The following NEDD4L variants were observed in gnomAD, a reference collection of about 807,000 sequenced individuals.
NEDD4L encodes the protein E3 ubiquitin-protein ligase NEDD4-like.
In NEDD4L, 54 loss-of-function variants were observed where a neutral mutation model predicts 148.9. The observed-to-expected ratio is 0.36, with a 90% CI of 0.29 to 0.45. The LOEUF (loss-of-function observed/expected upper bound fraction) is 0.45, where lower values mean the gene tolerates loss of function less well. Among genes scored for constraint, NEDD4L ranks in the 20% least tolerant of loss-of-function variants. The probability of loss-of-function intolerance (pLI) is 1.00; values close to 1 mark genes in which losing one functional copy is unlikely to be tolerated. For synonymous variants in NEDD4L, 433 were observed against 440.7 expected, an observed-to-expected ratio of 0.98 and a Z score of 0.22; for missense variants, 856 against 1,233.8, an observed-to-expected ratio of 0.69 and a Z score of 4.59.
intron 18 of NEDD4L, among the ~76,000 whole-genome samples, chr18:58,355,220 A>G (rs1019304781): frequency 1.3e-5 from 2 of 152,216 alleles, no homozygotes; most frequent in African/African-American, 4.8e-5. Flanking sequence ...GTTCAGGGAA[A>G]AAAAATGAGC....
rs1457994817 is a variant in NEDD4L, at chr18:58,256,843, A to G, written c.297+4789A>G. 1.7e-6 allele frequency: 2 copies of G among 1,196,082 alleles called. No individual in the cohort carries two copies. The highest frequency in any genetic ancestry group is 3.2e-5 in the East Asian group (1 of 31,554). The allele number at this position is 1,196,082 out of a possible 1,614,324, so 74.1% of individuals were successfully genotyped here. ...CGATGCTTACTCTGCGGCGTAACCAAAATAAAACCTCACCCTCTGTTCCGG... is the reference window on the plus strand; with the variant it reads ...CGATGCTTACTCTGCGGCGTAACCAGAATAAAACCTCACCCTCTGTTCCGG... On this transcript the variant is annotated intron_variant, in intron 5 of 30. Transcript: ENST00000400345. This position sits in a 1 kb window ranked among gnomAD's most constrained non-coding sequence, Gnocchi z 5.2.
intron 5 of NEDD4L, among the ~76,000 whole-genome samples, chr18:58,269,014 T>G (rs2050646382): frequency 1.3e-5 from 2 of 152,054 alleles, no homozygotes; most frequent in South Asian, 4.1e-4. Context: ...TGATCCTCCC[T>G]GGCAGAAACC....
At chr18:58,231,916 G>C (rs2045289274) in intron 2 of NEDD4L, among the ~76,000 whole-genome samples, 1 of 152,180 alleles carries the variant, frequency 6.6e-6, no homozygotes, top group Non-Finnish European at 1.5e-5. Context: ...AAAGTCGGAA[G>C]CATAGGGCAA....
chr18:58,380,281 C>A (rs2048160014), intron 24 of NEDD4L, among the ~76,000 whole-genome samples: 1 of 145,702 alleles, frequency 6.9e-6, no homozygotes. Flanking sequence ...ACTCTGCATA[C>A]TGTTTTCTTT....
At chr18:58,279,088 G>A (rs1015092532) in intron 5 of NEDD4L, among the ~76,000 whole-genome samples, 6 of 151,942 alleles carry the variant, frequency 3.9e-5, no homozygotes, top group Admixed American at 3.9e-4. Context: ...TGTTGGCCAG[G>A]CTGGTCTCAA....
intron 5 of NEDD4L, among the ~76,000 whole-genome samples, 180 bp from the exon 6 acceptor site, chr18:58,315,802 G>C (rs962829868): frequency 3.9e-5 from 6 of 152,190 alleles, no homozygotes; most frequent in Non-Finnish European, 8.8e-5. Context: ...GCTCAGTCCA[G>C]GCGCACGGGC....
chr18:58,157,131 T>A (rs1813947039), intron 1 of NEDD4L, among the ~76,000 whole-genome samples: 1 of 148,154 alleles, frequency 6.7e-6, no homozygotes, highest in African/African-American at 2.5e-5. Context: ...AAAGCTGCAG[T>A]GAGCCTTAAT....
At chr18:58,217,210 C>T (rs2043236006) in intron 2 of NEDD4L, among the ~76,000 whole-genome samples, 1 of 152,184 alleles carries the variant, frequency 6.6e-6, no homozygotes, top group East Asian at 1.9e-4. Flanking sequence ...GATTTAAGAC[C>T]ATGTGAGGAA....
chr18:58,349,989 A>G (rs2043666423), intron 17 of NEDD4L, among the ~76,000 whole-genome samples: 1 of 152,248 alleles, frequency 6.6e-6, no homozygotes, highest in Admixed American at 6.5e-5. Context: ...TGAAAATAGT[A>G]TGGGAGAAGA....
intron 2 of NEDD4L, among the ~76,000 whole-genome samples, chr18:58,174,784 T>A (rs927005395): frequency 6.6e-6 from 1 of 151,892 alleles, no homozygotes; most frequent in Non-Finnish European, 1.5e-5. Flanking sequence ...AAAATTAACA[T>A]TTTTTTTCCC....
At chr18:58,057,235 T>C (rs1021475700) in intron 1 of NEDD4L, among the ~76,000 whole-genome samples, 4 of 134,322 alleles carry the variant, frequency 3.0e-5, no homozygotes, top group African/African-American at 1.1e-4. Context: ...CTGGGTAATA[T>C]TACACCTGAA....
intron 1 of NEDD4L, among the ~76,000 whole-genome samples, chr18:58,155,084 A>G (rs923301667): frequency 1.3e-5 from 2 of 152,228 alleles, no homozygotes; most frequent in South Asian, 2.1e-4. Context: ...GTCCATGGAC[A>G]CAATCTAGCA....
intron 2 of NEDD4L, among the ~76,000 whole-genome samples, chr18:58,217,531 A>G (rs1314854723): frequency 6.6e-6 from 1 of 152,162 alleles, no homozygotes; most frequent in African/African-American, 2.4e-5. Context: ...GTGTGGTGCC[A>G]TGGTGTGATT....
chr18:58,291,886 C>T (rs2054812155), intron 5 of NEDD4L, among the ~76,000 whole-genome samples: 1 of 152,164 alleles, frequency 6.6e-6, no homozygotes, highest in Admixed American at 6.6e-5. Context: ...CTTCCAGCCA[C>T]CCCCTTCCCA....
At chr18:58,171,907 C>T (rs1270727313) in intron 2 of NEDD4L, among the ~76,000 whole-genome samples, 4 of 152,134 alleles carry the variant, frequency 2.6e-5, no homozygotes. Context: ...CTGGGGGAGT[C>T]AATGAGATGG....
intron 6 of NEDD4L, among the ~76,000 whole-genome samples, chr18:58,316,847 G>C (rs1269440717): frequency 6.6e-6 from 1 of 152,240 alleles, no homozygotes; most frequent in Non-Finnish European, 1.5e-5. Flanking sequence ...TAGCAGCTGA[G>C]AGAGGAAAGG....
At chr18:58,283,554 A>G (rs1333022846) in intron 5 of NEDD4L, among the ~76,000 whole-genome samples, 1 of 152,180 alleles carries the variant, frequency 6.6e-6, no homozygotes, top group African/African-American at 2.4e-5. Flanking sequence ...AGACTACAAT[A>G]CTATCCCTTA....
rs199799632 is a variant in NEDD4L, at chr18:58,112,360, C to CTTTATTTA, written c.49-53384_49-53377dup. Among the ~76,000 whole-genome samples the CTTTATTTA allele has an allele frequency of 1.2e-3, 172 of 143,640 alleles. 1 individual carries two copies. Among genetic ancestry groups the CTTTATTTA allele is most frequent in the Middle Eastern group, 0.01 (3 of 288 alleles). 94.2% of individuals were successfully genotyped at this position (143,640 alleles called of 152,430 possible). A position where few individuals can be genotyped will look rare whatever the true frequency, so the allele number is the denominator to read the frequency against. ...AACTTAGGTGGTGGTTCCTATTTGTCTTTATTTATTTATTTATTTATTTAT... is the reference window on the plus strand; with the variant it reads ...AACTTAGGTGGTGGTTCCTATTTGTCTTTATTTATTTATTTATTTATTTATTTATTTAT... On this transcript the variant is annotated intron_variant, in intron 1 of 30. Transcript: ENST00000400345.
chr18:58,335,553 A>G lies in NEDD4L; in HGVS notation c.1125+16A>G, dbSNP rs1195490600. 6.2e-7 allele frequency: 1 copy of G among 1,600,380 alleles called. No individual in the cohort carries two copies. The highest frequency in any genetic ancestry group is 2.2e-5 in the East Asian group (1 of 44,808). On this transcript the variant is annotated intron_variant, in intron 13 of 30. Coordinates refer to ENST00000400345, the MANE Select transcript of NEDD4L (RefSeq NM_001144967.3). ...GGAACCAACGGTAATGATCCACTTT[A>G]TCAGACATCAATAGCAAGAGGCCGT...
Sources: gnomAD v4.1 joint callset for allele counts (sites outside exome capture counted in the v4.1 genomes callset) on GRCh38, gnomAD v4.1.1 for gene constraint, Gnocchi (gnomAD v3.1) non-coding constraint, MANE v1.5 for transcripts, NCBI Gene and HGNC (gene_info 2026-07-23, HGNC 2026-07-21) for gene names.